The following DLG2 variants were observed in gnomAD, a reference collection of about 807,000 sequenced individuals.
DLG2 encodes disks large homolog 2.
In DLG2, 45 loss-of-function variants were observed where a neutral mutation model predicts 132.5. The observed-to-expected ratio is 0.34, with a 90% CI of 0.27 to 0.44. DLG2 has a LOEUF of 0.44. Ranked by LOEUF, DLG2 falls within the 20% of genes least tolerant of loss-of-function variation. The probability of loss-of-function intolerance (pLI) is 1.00; values close to 1 mark genes in which losing one functional copy is unlikely to be tolerated. For missense variants in DLG2, 1,045 were observed against 1,196.9 expected (o/e 0.87, Z 1.87); for synonymous variants, 424 against 419.6 (o/e 1.01, Z -0.13).
At chr11:83,770,265 G>GGTTTTTTTTTTT (rs1555392413) in intron 18 of DLG2, among the ~76,000 whole-genome samples, 4 of 128,770 alleles carry the variant, frequency 3.1e-5, no homozygotes, top group Admixed American at 1.5e-4. Context: ...GTTTTTTTTT[G>GGTTTTTTTTTTT]TTTTTTTGCT....
chr11:84,228,319 C>G (rs570471220), intron 8 of DLG2, among the ~76,000 whole-genome samples: 7 of 152,304 alleles, frequency 4.6e-5, no homozygotes, highest in Admixed American at 2.0e-4. Flanking sequence ...TAATTGTTCT[C>G]AGTACATTAG....
chr11:85,164,820 C>G (rs1459503560), intron 4 of DLG2, among the ~76,000 whole-genome samples: 2 of 152,158 alleles, frequency 1.3e-5, no homozygotes, highest in Non-Finnish European at 2.9e-5. Context: ...GAAAACAGAA[C>G]CTATTTCTGC....
intron 3 of DLG2, among the ~76,000 whole-genome samples, chr11:85,533,960 C>T (rs1303564592): frequency 6.6e-6 from 1 of 152,140 alleles, no homozygotes; most frequent in Admixed American, 6.5e-5. Context: ...TATATGCCCA[C>T]TAAAATGTTG....
intron 3 of DLG2, among the ~76,000 whole-genome samples, chr11:85,537,036 G>C (rs1049764967): frequency 2.6e-5 from 4 of 152,192 alleles, no homozygotes; most frequent in Non-Finnish European, 5.9e-5. Context: ...CTAAAGGTTT[G>C]TAAATGCACA....
At chr11:85,550,451 T>C (rs2076597897) in intron 3 of DLG2, among the ~76,000 whole-genome samples, 1 of 152,162 alleles carries the variant, frequency 6.6e-6, no homozygotes, top group African/African-American at 2.4e-5. Context: ...ACCTGCGTGC[T>C]CCCTCCTGCA....
chr11:84,931,079 A>G (rs1424422915), intron 6 of DLG2, among the ~76,000 whole-genome samples: 1 of 151,954 alleles, frequency 6.6e-6, no homozygotes, highest in Non-Finnish European at 1.5e-5. Context: ...CAGATTCCAA[A>G]CAGCTGAGCT....
intron 16 of DLG2, among the ~76,000 whole-genome samples, chr11:83,845,019 C>T (rs1199327386): frequency 6.6e-6 from 1 of 152,016 alleles, no homozygotes; most frequent in African/African-American, 2.4e-5. Flanking sequence ...CATGGTATTA[C>T]AGCATATAAG....
intron 10 of DLG2, among the ~76,000 whole-genome samples, chr11:84,066,991 T>C (rs2154139513): frequency 6.6e-6 from 1 of 152,230 alleles, no homozygotes; most frequent in Admixed American, 6.5e-5. Context: ...AAATGCATGA[T>C]GAAATTTTAA....
intron 11 of DLG2, among the ~76,000 whole-genome samples, chr11:84,005,650 AAAT>A (rs1266714991): frequency 6.6e-6 from 1 of 151,438 alleles, no homozygotes; most frequent in Non-Finnish European, 1.5e-5. Flanking sequence ...ACAACAACAA[AAAT>A]AATCCCATTA....
In DLG2 at chr11:85,285,117, T is replaced by C. The variant is rs1007604097; in HGVS notation, c.186+103A>G. The C allele has an allele frequency of 6.9e-6, 7 of 1,015,388 alleles. No individual in the cohort carries two copies. In the African/African-American group the frequency reaches 9.7e-5, roughly 14 times the overall value. The allele number at this position is 1,015,388 out of a possible 1,614,324, so 62.9% of individuals were successfully genotyped here. On this transcript the variant is annotated intron_variant, in intron 4 of 27. Coordinates refer to ENST00000376104, the MANE Select transcript of DLG2 (RefSeq NM_001142699.3). ...TATGGTATAACTACATTTCTATTAT[T>C]GTTGTTGCCATTTGTTGATAATAAT...
intron 8 of DLG2, among the ~76,000 whole-genome samples, chr11:84,197,077 CGAAA>C (rs1247470750): frequency 3.7e-5 from 5 of 136,902 alleles, no homozygotes; most frequent in Non-Finnish European, 6.4e-5. Flanking sequence ...AAAAAAAAAA[CGAAA>C]GAAAGAAATT....
intron 4 of DLG2, among the ~76,000 whole-genome samples, chr11:85,236,235 G>A (rs973923202): frequency 9.9e-5 from 15 of 151,936 alleles, no homozygotes; most frequent in Admixed American, 3.9e-4. Context: ...GCTGCCACTC[G>A]TCCAGTGCCA....
At chr11:85,317,233 A>G (rs2080746522) in intron 3 of DLG2, among the ~76,000 whole-genome samples, 2 of 152,098 alleles carry the variant, frequency 1.3e-5, no homozygotes, top group South Asian at 4.2e-4. Flanking sequence ...AGCTGCAGAC[A>G]TAGACGGGGC....
intron 3 of DLG2, among the ~76,000 whole-genome samples, chr11:85,297,955 G>A (rs1381699078): frequency 1.3e-5 from 2 of 152,156 alleles, no homozygotes; most frequent in Non-Finnish European, 2.9e-5. Context: ...TAAAACCTGA[G>A]TAGTATGAGG....
intron 17 of DLG2, among the ~76,000 whole-genome samples, chr11:83,789,499 T>A (rs1243065253): frequency 1.3e-5 from 2 of 151,770 alleles, no homozygotes; most frequent in Non-Finnish European, 2.9e-5. Flanking sequence ...ATAACCAAAA[T>A]AAACCCAAGA....
intron 6 of DLG2, among the ~76,000 whole-genome samples, chr11:84,632,259 C>T (rs909719940): frequency 2.7e-5 from 4 of 146,990 alleles, no homozygotes; most frequent in African/African-American, 9.9e-5. Flanking sequence ...TTCAGTCTTG[C>T]TTTTTTTTTT....
At chr11:84,662,546 G>A (rs1297426179) in intron 6 of DLG2, among the ~76,000 whole-genome samples, 1 of 151,784 alleles carries the variant, frequency 6.6e-6, no homozygotes, top group Non-Finnish European at 1.5e-5. Flanking sequence ...AACTTTGGGA[G>A]GCCAAGGAGG....
At chr11:84,186,605 C>A (rs1461862966) in intron 8 of DLG2, among the ~76,000 whole-genome samples, 1 of 151,750 alleles carries the variant, frequency 6.6e-6, no homozygotes, top group Admixed American at 6.6e-5. Context: ...CATTATGAAC[C>A]ACCTCTAATA....
At chr11:84,559,976 A>G (rs775655790) in intron 6 of DLG2, among the ~76,000 whole-genome samples, 8 of 152,130 alleles carry the variant, frequency 5.3e-5, no homozygotes, top group Non-Finnish European at 1.0e-4. Flanking sequence ...TCTGTGCCAG[A>G]TATTCCTCTA....
Sources: gnomAD v4.1 joint callset for allele counts (sites outside exome capture counted in the v4.1 genomes callset) on GRCh38, gnomAD v4.1.1 for gene constraint, MANE v1.5 for transcripts, NCBI Gene and HGNC (gene_info 2026-07-23, HGNC 2026-07-21) for gene names.